EPHB1: variants seen among roughly 807,000 people sequenced by gnomAD.
EPHB1 encodes ephrin type-B receptor 1.
In EPHB1, 30 loss-of-function variants were observed where a neutral mutation model predicts 94.4. The observed-to-expected ratio is 0.32, with a 90% CI of 0.24 to 0.43. The LOEUF is 0.43. Ranked by LOEUF, EPHB1 falls within the 20% of genes least tolerant of loss-of-function variation. The pLI is 1.00. For missense variants in EPHB1, 1,055 were observed against 1,308.3 expected (o/e 0.81, Z 2.99); for synonymous variants, 522 against 489.1 (o/e 1.07, Z -0.89).
At chr3:135,072,107 C>T (rs1937738269) in intron 3 of EPHB1, among the ~76,000 whole-genome samples, 1 of 152,194 alleles carries the variant, frequency 6.6e-6, no homozygotes, top group South Asian at 2.1e-4. Flanking sequence ...GGTGTGATGG[C>T]TCACACTTGT....
chr3:135,190,132 T>C (rs936727520), intron 10 of EPHB1, among the ~76,000 whole-genome samples: 3 of 152,216 alleles, frequency 2.0e-5, no homozygotes, highest in African/African-American at 4.8e-5. Flanking sequence ...AGCTGTGTGA[T>C]TGGGACATGT....
chr3:134,880,551 C>T (rs1041364769), intron 1 of EPHB1, among the ~76,000 whole-genome samples: 8 of 152,244 alleles, frequency 5.3e-5, no homozygotes, highest in Admixed American at 5.2e-4. Flanking sequence ...ATGGAGACTG[C>T]TGTAGCCCCC....
intron 1 of EPHB1, among the ~76,000 whole-genome samples, chr3:134,887,162 G>C (rs921074028): frequency 1.2e-4 from 18 of 152,162 alleles, no homozygotes; most frequent in African/African-American, 4.3e-4. Flanking sequence ...TAGTTGTAGG[G>C]TTGGGAGCTC....
chr3:134,984,517 T>C (rs975699128), intron 3 of EPHB1, among the ~76,000 whole-genome samples: 2 of 152,158 alleles, frequency 1.3e-5, no homozygotes, highest in Non-Finnish European at 2.9e-5. Context: ...GAAGCCTTTC[T>C]GGAAGATCTG....
At chr3:135,102,274 CTGTG>C (rs1205198532) in intron 3 of EPHB1, among the ~76,000 whole-genome samples, 3 of 152,204 alleles carry the variant, frequency 2.0e-5, no homozygotes, top group Non-Finnish European at 4.4e-5. Context: ...CCACTCTGCA[CTGTG>C]TGACTCCCGG....
Position 135,003,610 on chromosome 3 carries a change from C to A in EPHB1, c.805+51558C>A, listed in dbSNP as rs529078286. Among the ~76,000 whole-genome samples, 1,059 of 152,136 alleles carry A rather than the reference C, an allele frequency of 7.0e-3. 15 individuals are homozygous for A. The highest frequency in any genetic ancestry group is 0.024 in the African/African-American group (988 of 41,464). Reference sequence around the variant, plus strand: ...TGGGAGTCTAAATCTCTTTGTAGGTCACTCAGGACTTGCTTTATGAATCTG... The same window carrying A: ...TGGGAGTCTAAATCTCTTTGTAGGTAACTCAGGACTTGCTTTATGAATCTG... On this transcript the variant is annotated intron_variant, in intron 3 of 15. Transcript: ENST00000398015.
chr3:134,986,723 C>CAG (rs1553718477), intron 3 of EPHB1, among the ~76,000 whole-genome samples: 1 of 151,726 alleles, frequency 6.6e-6, no homozygotes, highest in African/African-American at 2.4e-5. Flanking sequence ...CACACACACA[C>CAG]ACACACACAC....
chr3:135,090,072 C>T (rs1426027689), intron 3 of EPHB1, among the ~76,000 whole-genome samples: 1 of 152,224 alleles, frequency 6.6e-6, no homozygotes, highest in Non-Finnish European at 1.5e-5. Context: ...CTGGAAATTA[C>T]CTCTCAGCAC....
rs145859438 is a variant in EPHB1, at chr3:135,059,839, G to A, written c.806-46609G>A. Among the ~76,000 whole-genome samples the A allele has an allele frequency of 2.3e-3, 347 of 152,276 alleles. 1 individual carries two copies. The highest frequency in any genetic ancestry group is 7.9e-3 in the African/African-American group (329 of 41,552). On this transcript the variant is annotated intron_variant, in intron 3 of 15. Transcript: ENST00000398015. ...CCACCACTAATGCGTGACCTTTGGCGTGTCCCCATGGCCCGTTTGGGCCTC... is the reference window on the plus strand; with the variant it reads ...CCACCACTAATGCGTGACCTTTGGCATGTCCCCATGGCCCGTTTGGGCCTC...
intron 1 of EPHB1, among the ~76,000 whole-genome samples, chr3:134,924,342 A>G (rs548286872): frequency 2.8e-4 from 43 of 152,366 alleles, no homozygotes; most frequent in South Asian, 1.0e-3. Context: ...TGCAAAGCAT[A>G]TATCTGAAAA....
chr3:135,189,299 G>A (rs183242031), intron 10 of EPHB1, among the ~76,000 whole-genome samples: 22 of 152,316 alleles, frequency 1.4e-4, no homozygotes, highest in African/African-American at 5.1e-4. Flanking sequence ...TTTCAGGAAT[G>A]CCATGGCTTT....
intron 9 of EPHB1, among the ~76,000 whole-genome samples, chr3:135,170,723 G>A (rs919172986): frequency 8.5e-5 from 13 of 152,144 alleles, no homozygotes; most frequent in African/African-American, 3.1e-4. Context: ...CTACATTTGG[G>A]AAACGTAGAA....
intron 3 of EPHB1, among the ~76,000 whole-genome samples, chr3:134,953,390 C>T (rs907136569): frequency 4.6e-5 from 7 of 152,316 alleles, no homozygotes; most frequent in South Asian, 2.1e-4. Flanking sequence ...GTACCCATGA[C>T]GGATTGTGTG....
At chr3:135,129,589 C>T (rs1055955283) in intron 4 of EPHB1, among the ~76,000 whole-genome samples, 1 of 152,170 alleles carries the variant, frequency 6.6e-6, no homozygotes, top group African/African-American at 2.4e-5. Context: ...ATAGTAATTA[C>T]AGAAACAGAC....
chr3:134,903,949 C>G (rs1286394394), intron 1 of EPHB1, among the ~76,000 whole-genome samples: 1 of 152,178 alleles, frequency 6.6e-6, no homozygotes, highest in African/African-American at 2.4e-5. Context: ...TTGGTTGTTT[C>G]TGTAATGTTT....
intron 1 of EPHB1, among the ~76,000 whole-genome samples, chr3:134,902,463 A>G (rs982444431): frequency 6.6e-6 from 1 of 152,212 alleles, no homozygotes; most frequent in Non-Finnish European, 1.5e-5. Flanking sequence ...GAATGTGTGC[A>G]TGTGCTACTG....
intron 3 of EPHB1, among the ~76,000 whole-genome samples, chr3:135,061,246 C>A (rs1049645043): frequency 6.6e-6 from 1 of 152,064 alleles, no homozygotes; most frequent in Non-Finnish European, 1.5e-5. Flanking sequence ...GTATACACGG[C>A]ATCCTATTTG....
intron 3 of EPHB1, among the ~76,000 whole-genome samples, chr3:135,091,798 A>G (rs1938567674): frequency 6.6e-6 from 1 of 152,198 alleles, no homozygotes; most frequent in Admixed American, 6.5e-5. Flanking sequence ...AAGTGAAAGC[A>G]GTGCCTGTCC....
intron 1 of EPHB1, among the ~76,000 whole-genome samples, chr3:134,889,924 C>T (rs140278186): frequency 6.6e-6 from 1 of 152,186 alleles, no homozygotes; most frequent in East Asian, 1.9e-4. Context: ...GTGATCCTCC[C>T]ACCTCAGCCT....
Sources: allele counts gnomAD v4.1 joint callset (sites outside exome capture counted in the v4.1 genomes callset), GRCh38; gene constraint gnomAD v4.1.1; transcripts MANE v1.5; gene names NCBI Gene and HGNC (gene_info 2026-07-23, HGNC 2026-07-21).